RBPJ: variants seen among roughly 807,000 people sequenced by gnomAD.
RBPJ encodes the protein recombination signal binding protein for immunoglobulin kappa J region.
Under a neutral mutation model 67.8 loss-of-function variants are expected in RBPJ, and 9 were observed. That is an observed-to-expected ratio of 0.13 (90% CI 0.08 to 0.23). The LOEUF (loss-of-function observed/expected upper bound fraction) is 0.23, where lower values mean the gene tolerates loss of function less well. Among genes scored for constraint, RBPJ ranks in the 10% least tolerant of loss-of-function variants. RBPJ has a pLI of 1.00. For missense variants in RBPJ, 305 were observed against 595.6 expected, an observed-to-expected ratio of 0.51 and a Z score of 5.08; for synonymous variants, 198 against 203.3, an observed-to-expected ratio of 0.97 and a Z score of 0.22.
intron 1 of RBPJ, among the ~76,000 whole-genome samples, chr4:26,288,500 C>T (rs1392970501): frequency 2.0e-5 from 3 of 152,196 alleles, no homozygotes; most frequent in Middle Eastern, 3.2e-3. Context: ...GACTTATTCT[C>T]ACGGGTTGCA....
At chr4:26,286,474 A>G (rs1032843174) in intron 1 of RBPJ, among the ~76,000 whole-genome samples, 26 of 67,886 alleles carry the variant, frequency 3.8e-4, no homozygotes, top group Non-Finnish European at 3.3e-4. Context: ...CCCTGCCTCA[A>G]AAAAAAAAAA....
At chr4:26,248,065 G>A (rs1030664949) in intron 1 of RBPJ, among the ~76,000 whole-genome samples, 12 of 152,092 alleles carry the variant, frequency 7.9e-5, no homozygotes, top group Non-Finnish European at 1.5e-4. Flanking sequence ...AAGCTGAGGC[G>A]GGGCATCATG....
At position 26,174,036 on chromosome 4, in the gene RBPJ, A is replaced by G. The variant is rs1334435102; in HGVS notation, c.-167+10422A>G. 3.3e-5 allele frequency among the ~76,000 whole-genome samples: 5 copies of G among 152,248 alleles called. No individual in the cohort carries two copies. In the East Asian group the frequency reaches 9.6e-4, roughly 29 times the overall value. ...TGGTAGCTGCAAGCAATGCGTTAGAAGTTACAGGAAGGACGCACTTACCAT... is the reference window on the plus strand; with the variant it reads ...TGGTAGCTGCAAGCAATGCGTTAGAGGTTACAGGAAGGACGCACTTACCAT... On this transcript the variant is annotated intron_variant, in intron 1 of 4. Transcript: ENST00000512351.
chr4:26,362,945 A>G (rs1475605920), intron 1 of RBPJ, among the ~76,000 whole-genome samples: 1 of 152,110 alleles, frequency 6.6e-6, no homozygotes, highest in African/African-American at 2.4e-5. Flanking sequence ...CTCTGTAATT[A>G]TCTTTTACAT....
chr4:26,356,836 G>C (rs1450458907), intron 1 of RBPJ, among the ~76,000 whole-genome samples: 1 of 152,216 alleles, frequency 6.6e-6, no homozygotes, highest in Non-Finnish European at 1.5e-5. Flanking sequence ...TAGTTGCAAA[G>C]ATATGTGCAG....
chr4:26,399,958 C>T (rs924331959), intron 2 of RBPJ, among the ~76,000 whole-genome samples: 2 of 151,892 alleles, frequency 1.3e-5, no homozygotes, highest in African/African-American at 2.4e-5. Context: ...TGATTACAGG[C>T]GTAATCCAAT....
At chr4:26,127,524 T>G in the RBPJ span, among the ~76,000 whole-genome samples, 3 of 152,198 alleles carry the variant, frequency 2.0e-5, no homozygotes, top group African/African-American at 7.2e-5. Flanking sequence ...TGGCATGTCT[T>G]GCCCATATAC....
chr4:26,319,440 C>T (rs1295667804), upstream of RBPJ, among the ~76,000 whole-genome samples: 4 of 151,744 alleles, frequency 2.6e-5, no homozygotes, highest in Admixed American at 2.6e-4. Context: ...CGCCTTCCCG[C>T]CCCGCCTCCG....
At chr4:26,200,072 CCT>C (rs1383965050) in intron 1 of RBPJ, among the ~76,000 whole-genome samples, 12 of 152,192 alleles carry the variant, frequency 7.9e-5, no homozygotes, top group Non-Finnish European at 1.8e-4. Context: ...TCACCTCTGG[CCT>C]CTCTTCGCCA....
chr4:26,402,386 C>G (rs924644047), intron 2 of RBPJ, among the ~76,000 whole-genome samples: 1 of 152,192 alleles, frequency 6.6e-6, no homozygotes, highest in African/African-American at 2.4e-5. Context: ...TCCTTTGATA[C>G]CAATCTTCAG....
At chr4:26,305,785 T>C (rs1254729391) in intron 1 of RBPJ, among the ~76,000 whole-genome samples, 1 of 137,516 alleles carries the variant, frequency 7.3e-6, no homozygotes, top group Non-Finnish European at 1.6e-5. Context: ...TTTTTTTTTT[T>C]TTTTTTTTTC....
chr4:26,316,671 C>G (rs12171449), upstream of RBPJ, among the ~76,000 whole-genome samples: 5 of 101,694 alleles, frequency 4.9e-5, no homozygotes. Flanking sequence ...TATATATATA[C>G]ACATATATAT....
chr4:26,345,897 G>C (rs1439180583), intron 1 of RBPJ, among the ~76,000 whole-genome samples: 1 of 152,082 alleles, frequency 6.6e-6, no homozygotes, highest in East Asian at 1.9e-4. Context: ...TGATGCTGGG[G>C]CTTAAAATGA....
intron 1 of RBPJ, among the ~76,000 whole-genome samples, chr4:26,177,257 G>A (rs1195583762): frequency 1.3e-5 from 2 of 152,214 alleles, no homozygotes; most frequent in African/African-American, 4.8e-5. Flanking sequence ...GTGAAGAGCA[G>A]TGAGGACCAA....
intron 1 of RBPJ, among the ~76,000 whole-genome samples, chr4:26,260,786 G>A (rs535273632): frequency 4.6e-5 from 7 of 151,968 alleles, no homozygotes; most frequent in Non-Finnish European, 8.8e-5. Context: ...TTTTCTCAAG[G>A]CCCCACTCAA....
At chr4:26,236,739 C>T (rs1719464627) in intron 1 of RBPJ, among the ~76,000 whole-genome samples, 1 of 152,168 alleles carries the variant, frequency 6.6e-6, no homozygotes, top group African/African-American at 2.4e-5. Flanking sequence ...GTGGATGGGA[C>T]CACACAAGGG....
At chr4:26,119,823 G>A in the RBPJ span, among the ~76,000 whole-genome samples, 82 of 152,264 alleles carry the variant, frequency 5.4e-4, no homozygotes, top group African/African-American at 1.9e-3. Context: ...CCTAGATGTG[G>A]CCTGAGGCCT....
chr4:26,380,447 A>G, intron 1 of RBPJ, among the ~76,000 whole-genome samples: 1 of 152,208 alleles, frequency 6.6e-6, no homozygotes, highest in Non-Finnish European at 1.5e-5. Flanking sequence ...CAAGGAGCAA[A>G]AGTAGTCTTA....
chr4:26,178,607 C>CAAAAA (rs1173498137), intron 1 of RBPJ, among the ~76,000 whole-genome samples: 12 of 58,658 alleles, frequency 2.0e-4, no homozygotes, highest in Non-Finnish European at 2.7e-4. Flanking sequence ...GACCCCGTAT[C>CAAAAA]AAAAAAAAAA....
Sources: allele counts gnomAD v4.1 joint callset (sites outside exome capture counted in the v4.1 genomes callset), GRCh38; gene constraint gnomAD v4.1.1; transcripts MANE v1.5; gene names NCBI Gene and HGNC (gene_info 2026-07-23, HGNC 2026-07-21).